ATP6V1B2: variants seen among roughly 807,000 people sequenced by gnomAD.
ATP6V1B2 encodes the protein ATPase H+ transporting V1 subunit B2, also known as V-type proton ATPase subunit B, brain isoform.
ATP6V1B2 carries 23 observed loss-of-function variants against 66.7 expected under a neutral mutation model. The ratio of observed to expected loss-of-function variants is 0.34; its 90% CI spans 0.25 to 0.49. The LOEUF is 0.49. Ranked by LOEUF, ATP6V1B2 falls within the 20% of genes least tolerant of loss-of-function variation. The probability of loss-of-function intolerance (pLI) is 0.99; values close to 1 mark genes in which losing one functional copy is unlikely to be tolerated. For missense variants in ATP6V1B2, 478 were observed against 650.8 expected (o/e 0.73, Z 2.89); for synonymous variants, 278 against 236.7 (o/e 1.17, Z -1.60).
chr8:20,212,737 T>C (rs772385768), intron 8 of ATP6V1B2, 45 bp from the exon 9 acceptor site: 3 of 1,585,462 alleles, frequency 1.9e-6, no homozygotes, highest in East Asian at 4.5e-5. Context: ...GTTTTCTTTT[T>C]GGTCTTTTGG....
At position 20,220,864 on chromosome 8, in the gene ATP6V1B2, T is replaced by C. The variant is rs2072900300; in HGVS notation, c.*462T>C. On this transcript the variant is annotated 3_prime_UTR_variant, in exon 14 of 14. Transcript: ENST00000276390. ...CTTTCCTGAGTGTTTGCTTTCGGTT[T>C]GTTGGTATGCCTGTATTGCTGGGCT... is the stretch of plus-strand genomic sequence containing the variant. 6.5e-6 allele frequency: 1 copy of C among 153,390 alleles called. No individual in the cohort carries two copies. Among genetic ancestry groups the C allele is most frequent in the Admixed American group, 6.5e-5 (1 of 15,300 alleles). 9.5% of individuals were successfully genotyped at this position (153,390 alleles called of 1,614,324 possible).
At chr8:20,200,134 C>G (rs1227730196) in intron 1 of ATP6V1B2, among the ~76,000 whole-genome samples, 1 of 152,032 alleles carries the variant, frequency 6.6e-6, no homozygotes, top group Non-Finnish European at 1.5e-5. Flanking sequence ...TCTCAAGTAT[C>G]TGGGACTACA....
Position 20,218,267 on chromosome 8 carries a change from A to C in ATP6V1B2, c.1381A>C (p.Asn461His). The change falls in exon 13 of 14, where the codon AAC (asparagine) becomes CAC (histidine). Residue 461 changes from asparagine (N) to histidine (H), a missense_variant. By Grantham distance (68) the Asn-to-His change is moderately conservative. Around this residue, in one of 2 missense-constraint regions of ATP6V1B2, gnomAD observed 326 missense variants for 545.6 expected, o/e 0.60. Coordinates refer to ENST00000276390, the MANE Select transcript of ATP6V1B2 (RefSeq NM_001693.4). ...YLEFLQKFER[N>H]FIAQGPYENR... ...GGAATTTCTGCAGAAGTTTGAGAGG[A>C]ACTTCATTGCTCAGGGTAAGATGAC... 3 of 1,613,242 alleles carry C rather than the reference A, an allele frequency of 1.9e-6. No individual in the cohort carries two copies. Among genetic ancestry groups the C allele is most frequent in the Non-Finnish European group, 2.5e-6 (3 of 1,179,372 alleles).
At chr8:20,202,511 C>A (rs1438713635) in intron 1 of ATP6V1B2, among the ~76,000 whole-genome samples, 2 of 152,156 alleles carry the variant, frequency 1.3e-5, no homozygotes, top group African/African-American at 4.8e-5. Context: ...TACGTTGTTC[C>A]AAATTTAGAG....
Position 20,197,413 on chromosome 8 carries a change from C to G in ATP6V1B2, c.7C>G (p.Leu3Val), listed in dbSNP as rs201057159. The change falls in exon 1 of 14, where the codon CTG (leucine) becomes GTG (valine). Residue 3 changes from leucine to valine, a missense_variant. Physicochemically the swap from Leu to Val is conservative, Grantham distance 32. Around this residue, in one of 2 missense-constraint regions of ATP6V1B2, gnomAD observed 152 missense variants for 105.2 expected, o/e 1.44. Transcript: ENST00000276390. Reference sequence around the variant, plus strand: ...TCGGGACAGAGGAGACAAGATGGCGCTGCGGGCGATGCGGGGGATTGTCAA... The same window carrying G: ...TCGGGACAGAGGAGACAAGATGGCGGTGCGGGCGATGCGGGGGATTGTCAA... MALRAMRGIVNGA... is the reference protein window; with the variant it reads MAVRAMRGIVNGA... The G allele has an allele frequency of 1.3e-6, 2 of 1,542,744 alleles. No individual in the cohort carries two copies. The highest frequency in any genetic ancestry group is 1.9e-5 in the Admixed American group (1 of 51,358).
Position 20,216,472 on chromosome 8 carries a change from G to C in ATP6V1B2, c.1138G>C (p.Asp380His). 1 of 1,613,396 alleles carries C rather than the reference G, an allele frequency of 6.2e-7. No homozygotes were observed. The highest frequency in any genetic ancestry group is 8.5e-7 in the Non-Finnish European group (1 of 1,179,514). Residue 380 changes from aspartate to histidine, a missense_variant, in exon 11 of 14, where the codon GAC becomes CAC. Physicochemically the swap from Asp to His is moderately conservative, Grantham distance 81. Transcript: ENST00000276390. ...GYITEGQIYVDRQLHNRQIYP... is the reference protein window; with the variant it reads ...GYITEGQIYVHRQLHNRQIYP... ...CATTACAGAGGGGCAGATCTATGTG[G>C]ACAGACAGCTGCACAACAGACAGGT... is the stretch of plus-strand genomic sequence containing the variant.
chr8:20,205,373 C>T (rs1163869136), intron 2 of ATP6V1B2, among the ~76,000 whole-genome samples: 1 of 152,122 alleles, frequency 6.6e-6, no homozygotes, highest in African/African-American at 2.4e-5. Context: ...AACGGGGTCT[C>T]CCCTAGTTGA....
At chr8:20,205,888 A>G (rs572090732) in intron 2 of ATP6V1B2, among the ~76,000 whole-genome samples, 1 of 152,236 alleles carries the variant, frequency 6.6e-6, no homozygotes. Flanking sequence ...ATACCTATGT[A>G]AAATATCAGC....
chr8:20,213,006 C>T, intron 9 of ATP6V1B2, 101 bp downstream of exon 9: 1 of 1,478,702 alleles, frequency 6.8e-7, no homozygotes, highest in Non-Finnish European at 9.3e-7. Context: ...TTTTTAATTC[C>T]ACTGTTCATA....
intron 12 of ATP6V1B2, 99 bp from the exon 13 acceptor site, chr8:20,218,054 G>T: frequency 7.0e-7 from 1 of 1,420,854 alleles, no homozygotes; most frequent in Non-Finnish European, 9.4e-7. Flanking sequence ...CCTTCTATGG[G>T]CTCTTGTGAG....
chr8:20,217,118 T>TCC, intron 11 of ATP6V1B2, 102 bp from the exon 12 acceptor site: 1 of 980,804 alleles, frequency 1.0e-6, no homozygotes, highest in Non-Finnish European at 1.6e-6. Context: ...CGGTTGTCTT[T>TCC]GATTTAAGTT....
Position 20,211,196 on chromosome 8 carries a change from A to G in ATP6V1B2, c.483A>G (p.Gln161=), listed in dbSNP as rs1291887023. Residue 161 remains glutamine, a synonymous_variant, in exon 6 of 14, where the codon CAA becomes CAG. Coordinates refer to ENST00000276390, the MANE Select transcript of ATP6V1B2 (RefSeq NM_001693.4). ...CATTAGGTCAGCCAATCAACCCTCA[A>G]TGTCGAATCTACCCAGAGGAAATGA... ...LDIMGQPINP[Q]CRIYPEEMIQ... The G allele has an allele frequency of 1.1e-5, 17 of 1,612,524 alleles. No individual in the cohort carries two copies. The highest frequency in any genetic ancestry group is 3.4e-5 in the Admixed American group (2 of 59,428).
chr8:20,203,702 C>T (rs940036166), intron 1 of ATP6V1B2, among the ~76,000 whole-genome samples: 1 of 152,170 alleles, frequency 6.6e-6, no homozygotes, highest in African/African-American at 2.4e-5. Context: ...CCCCATTTCA[C>T]TTGCCATGCA....
At chr8:20,215,024 C>T (rs559991174) in intron 10 of ATP6V1B2, 56 bp downstream of exon 10, 5 of 1,513,034 alleles carry the variant, frequency 3.3e-6, no homozygotes, top group South Asian at 1.3e-5. Flanking sequence ...AGAGAGAAGA[C>T]CCATCTACCT....
rs2072640752 is a variant in ATP6V1B2 at position 20,197,522 on chromosome 8, A to G, written c.116A>G (p.Tyr39Cys). The G allele has an allele frequency of 1.4e-6, 2 of 1,467,034 alleles. No homozygotes were observed. Among genetic ancestry groups the G allele is most frequent in the East Asian group, 2.7e-5 (1 of 36,856 alleles). The allele number at this position is 1,467,034 out of a possible 1,614,324, so 90.9% of individuals were successfully genotyped here. Reference protein sequence around the residue: ...REQALAVSRNYLSQPRLTYKT... With the variant: ...REQALAVSRNCLSQPRLTYKT... Reference sequence around the variant, plus strand: ...CAGGCGCTGGCAGTCAGTCGGAACTACCTCTCCCAGCCTCGCCTCAGTGAG... The same window carrying G: ...CAGGCGCTGGCAGTCAGTCGGAACTGCCTCTCCCAGCCTCGCCTCAGTGAG... The change falls in exon 1 of 14, where the codon TAC (tyrosine) becomes TGC (cysteine). Residue 39 changes from tyrosine to cysteine, a missense_variant. By Grantham distance (194) the Tyr-to-Cys change is radical. Coordinates refer to ENST00000276390, the MANE Select transcript of ATP6V1B2 (RefSeq NM_001693.4).
Position 20,217,203 on chromosome 8 carries a change from C to G in ATP6V1B2, c.1162-17C>G, listed in dbSNP as rs777432051. On this transcript the variant is annotated splice_polypyrimidine_tract_variant and intron_variant, in intron 11 of 13. Coordinates refer to ENST00000276390, the MANE Select transcript of ATP6V1B2 (RefSeq NM_001693.4). ...TGTACTTAAATATAGTATTTTTTCC[C>G]TCTCATTCTACCCAAGATTTATCCA... 1.3e-6 allele frequency: 2 copies of G among 1,588,932 alleles called. No homozygotes were observed. The highest frequency in any genetic ancestry group is 3.3e-5 in the Admixed American group (2 of 59,706).
rs139800942 is a variant in ATP6V1B2 at position 20,211,705 on chromosome 8, A to G, written c.657A>G (p.Val219=). Residue 219 remains valine (V), a synonymous_variant, in exon 7 of 14, where the codon GTA becomes GTG. Coordinates refer to ENST00000276390, the MANE Select transcript of ATP6V1B2 (RefSeq NM_001693.4). ...QAGLVKKSKD[V]VDYSEENFAI... is the part of the protein sequence containing the mutation. ...GTTTGGTAAAGAAATCCAAAGATGTAGTAGACTACAGTGAGGAAAATTTTG... is the reference window on the plus strand; with the variant it reads ...GTTTGGTAAAGAAATCCAAAGATGTGGTAGACTACAGTGAGGAAAATTTTG... The G allele has an allele frequency of 2.7e-5, 43 of 1,612,524 alleles. No individual in the cohort carries two copies. The highest frequency in any genetic ancestry group is 1.8e-4 in the Admixed American group (11 of 59,538).
rs759156597 is a variant in ATP6V1B2, at chr8:20,212,929, C to T, written c.927+24C>T. ...AGGTAAGTTGTTCATGTTTTTCCCTCAGTTAAACAAAATTGGTTAATTTTC... is the reference window on the plus strand; with the variant it reads ...AGGTAAGTTGTTCATGTTTTTCCCTTAGTTAAACAAAATTGGTTAATTTTC... On this transcript the variant is annotated intron_variant, in intron 9 of 13. Transcript: ENST00000276390. The T allele has an allele frequency of 1.7e-5, 28 of 1,612,286 alleles. No individual in the cohort carries two copies. The South Asian group carries it at 2.2e-4, about 13-fold the overall frequency.
chr8:20,218,823 A>C lies in ATP6V1B2; in HGVS notation c.1396+541A>C, dbSNP rs1337362474. ...CCAGACCTCTGATTCCACAATCTCCAGCTGCCTTAGGAACACCGTTGTTGT... is the reference window on the plus strand; with the variant it reads ...CCAGACCTCTGATTCCACAATCTCCCGCTGCCTTAGGAACACCGTTGTTGT... On this transcript the variant is annotated intron_variant, in intron 13 of 13. Coordinates refer to ENST00000276390, the MANE Select transcript of ATP6V1B2 (RefSeq NM_001693.4). 3.3e-5 allele frequency among the ~76,000 whole-genome samples: 5 copies of C among 152,122 alleles called. No individual in the cohort carries two copies. The East Asian group carries it at 9.6e-4, about 29-fold the overall frequency.
Sources: gnomAD v4.1 joint callset for allele counts (sites outside exome capture counted in the v4.1 genomes callset) on GRCh38, gnomAD v4.1.1 for gene constraint, gnomAD v4.1.1 regional missense constraint, MANE v1.5 for transcripts, NCBI Gene and HGNC (gene_info 2026-07-23, HGNC 2026-07-21) for gene names.